Variants in TMEM45B observed in about 807,000 individuals in gnomAD.
TMEM45B encodes the protein transmembrane protein 45B.
In TMEM45B, 29 loss-of-function variants were observed where a neutral mutation model predicts 27.3. The observed-to-expected ratio is 1.06, with a 90% CI of 0.79 to 1.45. The LOEUF is 1.45. TMEM45B is among the 40% of genes most tolerant of loss of function. TMEM45B has a pLI of 0.00. For missense variants in TMEM45B, 348 were observed against 343.9 expected, an observed-to-expected ratio of 1.01 and a Z score of -0.09; for synonymous variants, 143 against 134.7, an observed-to-expected ratio of 1.06 and a Z score of -0.43.
At chr11:129,843,257 T>C (rs1380256725) in intron 1 of TMEM45B, among the ~76,000 whole-genome samples, 1 of 152,228 alleles carries the variant, frequency 6.6e-6, no homozygotes, top group Non-Finnish European at 1.5e-5. Flanking sequence ...TTTTAGACTT[T>C]TTGATTGCCC....
intron 1 of TMEM45B, among the ~76,000 whole-genome samples, chr11:129,835,634 C>T (rs1451191937): frequency 6.6e-6 from 1 of 152,184 alleles, no homozygotes; most frequent in South Asian, 2.1e-4. Flanking sequence ...CCACCTTGGG[C>T]CCAGGCACAC....
At chr11:129,842,378 T>A (rs771591385) in intron 1 of TMEM45B, among the ~76,000 whole-genome samples, 2 of 152,214 alleles carry the variant, frequency 1.3e-5, no homozygotes, top group Non-Finnish European at 2.9e-5. Context: ...AGCATCACAC[T>A]TCCTGTGTTC....
rs139132990 is a variant in TMEM45B at position 129,844,222 on chromosome 11, A to G, written c.-8-8253A>G. Reference sequence around the variant, plus strand: ...CACAGAAAAAATGCTGTGTGATCTCACTTATATGTGGAATCTAAAATAATC... The same window carrying G: ...CACAGAAAAAATGCTGTGTGATCTCGCTTATATGTGGAATCTAAAATAATC... On this transcript the variant is annotated intron_variant, in intron 1 of 5. Coordinates refer to ENST00000281441, the MANE Select transcript of TMEM45B (RefSeq NM_138788.5). Among the ~76,000 whole-genome samples, 498 of 152,336 alleles carry G rather than the reference A, an allele frequency of 3.3e-3. 5 individuals carry two copies. Among genetic ancestry groups the G allele is most frequent in the African/African-American group, 0.011 (471 of 41,576 alleles).
chr11:129,859,153 T>A lies in TMEM45B; in HGVS notation c.*468T>A, dbSNP rs886263484. The A allele has an allele frequency of 4.6e-5, 7 of 152,306 alleles. No individual in the cohort carries two copies. Among genetic ancestry groups the A allele is most frequent in the African/African-American group, 1.7e-4 (7 of 41,462 alleles). The allele number at this position is 152,306 out of a possible 1,614,324, so 9.4% of individuals were successfully genotyped here. On this transcript the variant is annotated 3_prime_UTR_variant, in exon 6 of 6. Transcript: ENST00000281441. ...TAAGCAAACGACAGTGCCTTTAGAATTACAATTCTAACTTACATATTTTTT... is the reference window on the plus strand; with the variant it reads ...TAAGCAAACGACAGTGCCTTTAGAAATACAATTCTAACTTACATATTTTTT...
chr11:129,852,593 C>T lies in TMEM45B; in HGVS notation c.111C>T (p.Ser37=), dbSNP rs186801744. 4.3e-6 allele frequency: 7 copies of T among 1,613,854 alleles called. No homozygotes were observed. The Admixed American group carries it at 1.0e-4, about 23-fold the overall frequency. Residue 37 remains serine (S), a synonymous_variant, in exon 2 of 6, where the codon AGC becomes AGT. Transcript: ENST00000281441. ...LKYFSHTRKN[S]PLHYYQRLEI... ...ACTTTAGCCACACGCGGAAGAACAG[C>T]CCACTACATTACTATCAGCGTCTCG...
At chr11:129,839,468 A>AT (rs1802383855) in intron 1 of TMEM45B, among the ~76,000 whole-genome samples, 1 of 152,212 alleles carries the variant, frequency 6.6e-6, no homozygotes. Flanking sequence ...CTCATGTGAA[A>AT]TTTAAAAAAA....
Position 129,858,914 on chromosome 11 carries a change from C to A in TMEM45B, c.*229C>A. 1 of 267,182 alleles carries A rather than the reference C, an allele frequency of 3.7e-6. No individual in the cohort carries two copies. The highest frequency in any genetic ancestry group is 7.4e-5 in the East Asian group (1 of 13,524). 16.6% of individuals were successfully genotyped at this position (267,182 alleles called of 1,614,324 possible). A position where few individuals can be genotyped will look rare whatever the true frequency, so the allele number is the denominator to read the frequency against. On this transcript the variant is annotated 3_prime_UTR_variant, in exon 6 of 6. Transcript: ENST00000281441. ...TATAAAGTCTGTGTTGGTATAGTAC[C>A]CTTCATAAGGAAAAATGAAGTAATG...
intron 2 of TMEM45B, 178 bp downstream of exon 2, chr11:129,852,838 C>T: frequency 1.9e-6 from 1 of 536,206 alleles, no homozygotes; most frequent in Non-Finnish European, 3.0e-6. Flanking sequence ...CTTTATAATA[C>T]TAACGGTTGA....
At chr11:129,838,641 T>C (rs898099481) in intron 1 of TMEM45B, among the ~76,000 whole-genome samples, 3 of 152,114 alleles carry the variant, frequency 2.0e-5, no homozygotes, top group Admixed American at 1.3e-4. Context: ...AAACACGTGG[T>C]TGGAACTGAG....
In TMEM45B at chr11:129,859,108, T is replaced by A. The variant is rs537967970; in HGVS notation, c.*423T>A. ...CTTAAGAAAGCAGGTACTTTCTTAT[T>A]AGAAATATGTTAGAATGTGTAAGCA... On this transcript the variant is annotated 3_prime_UTR_variant, in exon 6 of 6. Coordinates refer to ENST00000281441, the MANE Select transcript of TMEM45B (RefSeq NM_138788.5). 6.5e-6 allele frequency: 1 copy of A among 152,726 alleles called. No individual in the cohort carries two copies. Among genetic ancestry groups the A allele is most frequent in the Non-Finnish European group, 1.5e-5 (1 of 68,320 alleles). 9.5% of individuals were successfully genotyped at this position (152,726 alleles called of 1,614,324 possible). A position where few individuals can be genotyped will look rare whatever the true frequency, so the allele number is the denominator to read the frequency against.
chr11:129,830,246 G>C (rs1947532320), intron 1 of TMEM45B, among the ~76,000 whole-genome samples: 1 of 152,224 alleles, frequency 6.6e-6, no homozygotes, highest in Non-Finnish European at 1.5e-5. Context: ...AGAATTGCTT[G>C]AACCTGGGAG....
chr11:129,826,258 C>G (rs905280677), intron 1 of TMEM45B, among the ~76,000 whole-genome samples: 1 of 152,036 alleles, frequency 6.6e-6, no homozygotes, highest in African/African-American at 2.4e-5. Context: ...CCCTATTTAA[C>G]AAATAAAGAG....
intron 1 of TMEM45B, among the ~76,000 whole-genome samples, chr11:129,845,336 GATGT>G (rs1947746075): frequency 6.9e-5 from 6 of 87,036 alleles, no homozygotes; most frequent in Non-Finnish European, 1.0e-4. Context: ...AGCTATTATA[GATGT>G]GTGTGTGTGT....
intron 1 of TMEM45B, among the ~76,000 whole-genome samples, chr11:129,841,359 A>T (rs1947690074): frequency 6.6e-6 from 1 of 152,234 alleles, no homozygotes; most frequent in Non-Finnish European, 1.5e-5. Context: ...GGCAAGCAGC[A>T]GGCCAACCAG....
In TMEM45B at chr11:129,857,459, G is replaced by T. The variant is rs767175231; in HGVS notation, c.716+1G>T. The stretch of plus-strand genomic sequence containing the variant: ...CCGTCAACTATTCTCTTGTTTACTG[G>T]TATGTCTGAGACTTCAGTGAAGCTT... On this transcript the variant is annotated splice_donor_variant, in intron 5 of 5. Transcript: ENST00000281441. LOFTEE classifies it high-confidence loss of function. 2 of 1,613,910 alleles carry T rather than the reference G, an allele frequency of 1.2e-6. No homozygotes were observed. The highest frequency in any genetic ancestry group is 1.7e-6 in the Non-Finnish European group (2 of 1,180,010).
chr11:129,851,890 T>C (rs1173367428), intron 1 of TMEM45B, among the ~76,000 whole-genome samples: 1 of 152,224 alleles, frequency 6.6e-6, no homozygotes, highest in East Asian at 1.9e-4. Flanking sequence ...TATAAAATTA[T>C]TTTCCAGTTG....
intron 1 of TMEM45B, among the ~76,000 whole-genome samples, chr11:129,849,665 C>A (rs764593696): frequency 6.6e-6 from 1 of 152,300 alleles, no homozygotes; most frequent in South Asian, 2.1e-4. Context: ...TTATAACTTG[C>A]GCCCTCTGGA....
intron 1 of TMEM45B, among the ~76,000 whole-genome samples, chr11:129,826,567 A>AAAAAAAAAAAAAATAT (rs1199881268): frequency 1.0e-5 from 1 of 96,126 alleles, no homozygotes; most frequent in Non-Finnish European, 2.0e-5. Context: ...AAAAAAAAAA[A>AAAAAAAAAAAAAATAT]AGGACCCTGA....
rs781126896 is a variant in TMEM45B at position 129,855,723 on chromosome 11, A to G, written c.401A>G (p.Tyr134Cys). The G allele has an allele frequency of 3.7e-6, 6 of 1,614,046 alleles. No homozygotes were observed. Among genetic ancestry groups the G allele is most frequent in the Non-Finnish European group, 5.1e-6 (6 of 1,179,988 alleles). ...TTTGTGGCAGGTTTCCTCTTCTACT[A>G]CCACGTCCACAACCGGCCTCCGCTG... ...AVFMEGFLFY[Y>C]HVHNRPPLDQ... The change falls in exon 4 of 6, where the codon TAC becomes TGC. Residue 134 changes from tyrosine (Y) to cysteine (C), a missense_variant. By Grantham distance (194) the Tyr-to-Cys change is radical. Transcript: ENST00000281441.
Sources: allele counts gnomAD v4.1 joint callset (sites outside exome capture counted in the v4.1 genomes callset), GRCh38; gene constraint gnomAD v4.1.1; transcripts MANE v1.5; gene names NCBI Gene and HGNC (gene_info 2026-07-23, HGNC 2026-07-21).